The following CCSER1 variants were observed in gnomAD, a reference collection of about 807,000 sequenced individuals.
CCSER1 encodes the protein serine-rich coiled-coil domain-containing protein 1.
A neutral mutation model predicts 82.0 loss-of-function variants in CCSER1; 41 were observed. That is an observed-to-expected ratio of 0.50 (90% CI 0.39 to 0.65). CCSER1 has a LOEUF of 0.65. Among genes scored for constraint, CCSER1 ranks in the 30% least tolerant of loss-of-function variants. CCSER1 has a pLI of 0.00. For missense variants in CCSER1, 1,119 were observed against 1,064.2 expected (o/e 1.05, Z -0.72); for synonymous variants, 414 against 383.9 (o/e 1.08, Z -0.92).
intron 6 of CCSER1, among the ~76,000 whole-genome samples, chr4:90,660,819 C>T (rs1406877149): frequency 1.3e-5 from 2 of 152,124 alleles, no homozygotes; most frequent in African/African-American, 2.4e-5. Flanking sequence ...GCACCTTTTG[C>T]GTAATGGCTA....
At chr4:91,475,095 C>G (rs1757513861) in intron 10 of CCSER1, among the ~76,000 whole-genome samples, 2 of 151,690 alleles carry the variant, frequency 1.3e-5, no homozygotes, top group South Asian at 4.1e-4. Flanking sequence ...TCTACTGTTA[C>G]ACATTGCTGC....
At chr4:91,580,733 A>ACT (rs144176781) in intron 10 of CCSER1, among the ~76,000 whole-genome samples, 17,426 of 151,606 alleles carry the variant, frequency 0.11, 1,020 homozygotes, top group Middle Eastern at 0.18. Flanking sequence ...GAAATCTGCA[A>ACT]CTCTGGTAGA....
At chr4:90,537,775 T>C (rs565137495) in intron 5 of CCSER1, among the ~76,000 whole-genome samples, 8 of 152,272 alleles carry the variant, frequency 5.3e-5, no homozygotes, top group African/African-American at 1.9e-4. Context: ...ATATAGCAAA[T>C]CTAGGTACTT....
rs1321141147 is a variant in CCSER1, at chr4:91,600,569, T to C, written c.*1512T>C. 1 of 152,150 alleles carries C rather than the reference T, an allele frequency of 6.6e-6. No homozygotes were observed. The highest frequency in any genetic ancestry group is 6.6e-5 in the Admixed American group (1 of 15,256). 9.4% of individuals were successfully genotyped at this position (152,150 alleles called of 1,614,324 possible). A position where few individuals can be genotyped will look rare whatever the true frequency, so the allele number is the denominator to read the frequency against. On this transcript the variant is annotated 3_prime_UTR_variant, in exon 11 of 11. Coordinates refer to ENST00000509176, the MANE Select transcript of CCSER1 (RefSeq NM_001145065.2). ...TTTAGCATGGCATCTGACAACTTGC[T>C]TAAATTAAAGCTGTGTGCAAAATGC...
rs372374362 is a variant in CCSER1, at chr4:91,251,292, T to C, written c.2217+165298T>C. ...ACTTTCTTGCTGTATCTTCACATGG[T>C]GGAGAGAAAGATCATTTCCCTTATT... On this transcript the variant is annotated intron_variant, in intron 10 of 10. Transcript: ENST00000509176. Among the ~76,000 whole-genome samples the C allele has an allele frequency of 4.6e-4, 70 of 152,240 alleles. 1 individual carries two copies. The highest frequency in any genetic ancestry group is 1.5e-3 in the African/African-American group (63 of 41,548).
chr4:90,945,653 C>A (rs1732148062), intron 9 of CCSER1, among the ~76,000 whole-genome samples: 1 of 152,198 alleles, frequency 6.6e-6, no homozygotes, highest in South Asian at 2.1e-4. Context: ...CAAGTCTCAG[C>A]ACCTTTAGTG....
chr4:90,926,641 C>T (rs1729098858), intron 9 of CCSER1, among the ~76,000 whole-genome samples: 1 of 151,700 alleles, frequency 6.6e-6, no homozygotes, highest in South Asian at 2.1e-4. Context: ...GCTCTGACTT[C>T]TAACGCACAT....
intron 10 of CCSER1, among the ~76,000 whole-genome samples, chr4:91,344,366 C>T (rs752739330): frequency 5.9e-5 from 9 of 152,120 alleles, no homozygotes; most frequent in Non-Finnish European, 1.3e-4. Flanking sequence ...CCCCAATGGA[C>T]TAAGACTTCG....
chr4:91,469,876 C>G (rs1757167348), intron 10 of CCSER1, among the ~76,000 whole-genome samples: 1 of 152,164 alleles, frequency 6.6e-6, no homozygotes. Context: ...AGAAGTTTAG[C>G]AAGTGAACTT....
chr4:91,261,709 T>A (rs1263366183), intron 10 of CCSER1, among the ~76,000 whole-genome samples: 2 of 140,904 alleles, frequency 1.4e-5, no homozygotes, highest in African/African-American at 5.6e-5. Context: ...ACTTCACCCC[T>A]CCACATGTAA....
intron 10 of CCSER1, among the ~76,000 whole-genome samples, chr4:91,541,572 G>A (rs1761598934): frequency 6.6e-6 from 1 of 152,058 alleles, no homozygotes; most frequent in African/African-American, 2.4e-5. Flanking sequence ...CTTTTTTATG[G>A]CTGCATAGTA....
intron 5 of CCSER1, among the ~76,000 whole-genome samples, chr4:90,546,722 A>G (rs1385914704): frequency 6.6e-6 from 1 of 152,130 alleles, no homozygotes; most frequent in Non-Finnish European, 1.5e-5. Flanking sequence ...ATTTTTCAAC[A>G]TTGTGTTCTT....
intron 8 of CCSER1, among the ~76,000 whole-genome samples, chr4:90,842,359 A>G (rs1333856486): frequency 1.3e-5 from 2 of 152,200 alleles, no homozygotes; most frequent in Non-Finnish European, 2.9e-5. Flanking sequence ...TTCTATGGCT[A>G]TCTGTTGCTG....
At chr4:90,784,231 C>T (rs1026604965) in intron 7 of CCSER1, among the ~76,000 whole-genome samples, 1 of 152,112 alleles carries the variant, frequency 6.6e-6, no homozygotes, top group Admixed American at 6.5e-5. Context: ...TTCATATGCA[C>T]GTGACTAGCT....
chr4:91,296,455 ATATATATATATG>A (rs1330668075), intron 10 of CCSER1, among the ~76,000 whole-genome samples: 1,174 of 91,042 alleles, frequency 0.013, 28 homozygotes, highest in Middle Eastern at 0.035. Context: ...AACATTATAT[ATATATATATATG>A]TATATATATA....
chr4:90,287,572 T>C (rs11932216), intron 1 of CCSER1, among the ~76,000 whole-genome samples: 7,266 of 152,006 alleles, frequency 0.048, 464 homozygotes, highest in African/African-American at 0.15. Context: ...GATGAGGACA[T>C]AGTTCTGATA....
At chr4:90,513,890 G>A (rs1420899003) in intron 5 of CCSER1, among the ~76,000 whole-genome samples, 1 of 152,178 alleles carries the variant, frequency 6.6e-6, no homozygotes, top group East Asian at 1.9e-4. Flanking sequence ...GTGGATTACA[G>A]AGGTAGGAGG....
chr4:91,322,510 A>G (rs1333980326), intron 10 of CCSER1, among the ~76,000 whole-genome samples: 2 of 152,112 alleles, frequency 1.3e-5, no homozygotes, highest in African/African-American at 4.8e-5. Flanking sequence ...CCAAACTCCT[A>G]AAGGGTGAAT....
intron 3 of CCSER1, among the ~76,000 whole-genome samples, chr4:90,329,481 A>T (rs552011131): frequency 1.1e-3 from 175 of 152,306 alleles, no homozygotes; most frequent in Non-Finnish European, 2.2e-3. Context: ...AATATTTTAA[A>T]AGTCAAACTC....
Sources: allele counts gnomAD v4.1 joint callset (sites outside exome capture counted in the v4.1 genomes callset), GRCh38; gene constraint gnomAD v4.1.1; transcripts MANE v1.5; gene names NCBI Gene and HGNC (gene_info 2026-07-23, HGNC 2026-07-21).